POLE2: variants seen among roughly 807,000 people sequenced by gnomAD.
POLE2 encodes DNA polymerase epsilon 2, accessory subunit.
POLE2 carries 56 observed loss-of-function variants against 79.4 expected under a neutral mutation model. The observed-to-expected ratio is 0.71, with a 90% CI of 0.57 to 0.88. The LOEUF is 0.88. POLE2 is among the 40% of genes least tolerant of loss of function. The pLI is 0.00. For missense variants in POLE2, 598 were observed against 638.9 expected, an observed-to-expected ratio of 0.94 and a Z score of 0.69; for synonymous variants, 212 against 214.0, an observed-to-expected ratio of 0.99 and a Z score of 0.08.
chr14:49,666,930 G>C (rs1226412251), intron 6 of POLE2, among the ~76,000 whole-genome samples: 1 of 152,146 alleles, frequency 6.6e-6, no homozygotes, highest in East Asian at 1.9e-4. Context: ...GCCAGGTGCA[G>C]TGGCTCACGC....
At chr14:49,674,514 G>T in intron 3 of POLE2, 87 bp from the exon 4 acceptor site, 1 of 777,656 alleles carries the variant, frequency 1.3e-6, no homozygotes, top group Non-Finnish European at 2.2e-6. Flanking sequence ...ATAAGTATTT[G>T]TAATAACACA....
chr14:49,646,525 G>T (rs1566523010), intron 18 of POLE2: 1 of 151,958 alleles, frequency 6.6e-6, no homozygotes, highest in African/African-American at 2.4e-5. Flanking sequence ...GTTTCACCAT[G>T]TTGGTCAGGC....
chr14:49,674,791 C>A (rs1168134503), intron 3 of POLE2, among the ~76,000 whole-genome samples: 20 of 152,048 alleles, frequency 1.3e-4, no homozygotes, highest in Admixed American at 1.3e-3. Flanking sequence ...ATCTCAAACT[C>A]CCGACCTCAG....
intron 3 of POLE2, among the ~76,000 whole-genome samples, chr14:49,675,794 C>T (rs1218028946): frequency 2.0e-5 from 3 of 152,158 alleles, no homozygotes; most frequent in Non-Finnish European, 4.4e-5. Context: ...AGTTCTGTCG[C>T]CCAGGCTGGA....
intron 5 of POLE2, among the ~76,000 whole-genome samples, chr14:49,671,156 C>G (rs1885859767): frequency 6.6e-6 from 1 of 152,162 alleles, no homozygotes; most frequent in African/African-American, 2.4e-5. Flanking sequence ...ACAGAGTAGA[C>G]TTCAAAACAT....
At chr14:49,679,356 T>G (rs531589963) in intron 3 of POLE2, 11 of 165,752 alleles carry the variant, frequency 6.6e-5, no homozygotes, top group African/African-American at 2.1e-4. Flanking sequence ...CCAAGTAAAG[T>G]TGCTGAACTT....
intron 3 of POLE2, 113 bp from the exon 4 acceptor site, chr14:49,674,540 C>T: frequency 1.4e-6 from 1 of 690,760 alleles, no homozygotes; most frequent in South Asian, 1.8e-5. Flanking sequence ...CACATTTTCT[C>T]AGGCCAGGCA....
chr14:49,648,590 T>C (rs537052361), intron 17 of POLE2, among the ~76,000 whole-genome samples: 2 of 152,344 alleles, frequency 1.3e-5, no homozygotes, highest in South Asian at 4.1e-4. Flanking sequence ...TAACCAGGGT[T>C]CCTTTGTCCC....
chr14:49,651,607 C>T (rs1195359259), intron 15 of POLE2: 2 of 351,882 alleles, frequency 5.7e-6, no homozygotes, highest in Non-Finnish European at 5.1e-6. Context: ...TCCCAGCCCT[C>T]ATACAGTTTA....
intron 18 of POLE2, chr14:49,646,511 C>CG (rs1258212662): frequency 6.6e-6 from 1 of 151,658 alleles, no homozygotes; most frequent in Non-Finnish European, 1.5e-5. Context: ...TTAATAAAGA[C>CG]GGGGTTTCAC....
intron 1 of POLE2, among the ~76,000 whole-genome samples, chr14:49,685,375 TG>T (rs1313829992): frequency 2.6e-5 from 4 of 152,212 alleles, no homozygotes; most frequent in African/African-American, 9.6e-5. Context: ...TAAATACACT[TG>T]AAGGTGGTCC....
At position 49,674,351 on chromosome 14, in the gene POLE2, G is replaced by A; in HGVS notation, c.322C>T (p.Pro108Ser). Reference protein sequence around the residue: ...VYNSERKKFLPLLMTNHPAPN... With the variant: ...VYNSERKKFLSLLMTNHPAPN... ...AAAATCAGTGGATGACATACTTACGGAAGAAATTTTTTTCTTTCTGAATTG... is the reference window on the plus strand; with the variant it reads ...AAAATCAGTGGATGACATACTTACGAAAGAAATTTTTTTCTTTCTGAATTG... Residue 108 changes from proline to serine, a missense_variant and splice_region_variant, in exon 4 of 19, where the codon CCT (proline) becomes TCT (serine). Pro to Ser is a moderately conservative substitution (Grantham distance 74). Transcript: ENST00000216367. The A allele has an allele frequency of 6.3e-7, 1 of 1,593,244 alleles. No individual in the cohort carries two copies. The highest frequency in any genetic ancestry group is 8.6e-7 in the Non-Finnish European group (1 of 1,161,994).
At chr14:49,671,408 G>A (rs1327938625) in intron 5 of POLE2, among the ~76,000 whole-genome samples, 1 of 151,932 alleles carries the variant, frequency 6.6e-6, no homozygotes, top group Non-Finnish European at 1.5e-5. Flanking sequence ...CACGAGGTCA[G>A]GAGATGGAGA....
intron 5 of POLE2, among the ~76,000 whole-genome samples, 178 bp downstream of exon 5, chr14:49,673,945 T>A (rs569041874): frequency 1.2e-4 from 18 of 152,324 alleles, no homozygotes; most frequent in Admixed American, 2.6e-4. Context: ...AGCTTTTTCA[T>A]CTCTGTATCT....
chr14:49,683,533 T>A, intron 2 of POLE2, 60 bp downstream of exon 2: 1 of 766,924 alleles, frequency 1.3e-6, no homozygotes, highest in East Asian at 2.5e-5. Context: ...AATCTATACA[T>A]CTAACTGAAG....
At chr14:49,671,618 G>GAAAAA (rs71115391) in intron 5 of POLE2, among the ~76,000 whole-genome samples, 5 of 58,714 alleles carry the variant, frequency 8.5e-5, no homozygotes, top group African/African-American at 2.1e-4. Context: ...CTCTGCCTCA[G>GAAAAA]AAAAAAAAAA....
chr14:49,680,535 G>A (rs1233187960), intron 2 of POLE2, among the ~76,000 whole-genome samples: 1 of 152,130 alleles, frequency 6.6e-6, no homozygotes, highest in Non-Finnish European at 1.5e-5. Flanking sequence ...ATTCCACTGG[G>A]TAGATGTCCT....
At chr14:49,687,611 G>C (rs1021108388) in intron 1 of POLE2, among the ~76,000 whole-genome samples, 9 of 152,076 alleles carry the variant, frequency 5.9e-5, no homozygotes, top group African/African-American at 2.2e-4. Flanking sequence ...GACATGTGCA[G>C]AAGAGCCTCG....
At chr14:49,681,821 C>G (rs561867698) in intron 2 of POLE2, 1 of 143,392 alleles carries the variant, frequency 7.0e-6, no homozygotes, top group South Asian at 2.3e-4. Context: ...GACTCTGTCC[C>G]GCTCTCACCA....
Sources: gnomAD v4.1 joint callset for allele counts (sites outside exome capture counted in the v4.1 genomes callset) on GRCh38, gnomAD v4.1.1 for gene constraint, MANE v1.5 for transcripts, NCBI Gene and HGNC (gene_info 2026-07-23, HGNC 2026-07-21) for gene names.